WWC2: variants seen among roughly 807,000 people sequenced by gnomAD.
WWC2 encodes the protein WW and C2 domain containing 2.
Under a neutral mutation model 138.5 loss-of-function variants are expected in WWC2, and 101 were observed. The observed-to-expected ratio is 0.73, with a 90% CI of 0.62 to 0.86. The LOEUF is 0.86. WWC2 is among the 40% of genes least tolerant of loss of function. The pLI, the probability that WWC2 is intolerant of heterozygous loss-of-function variation, is 0.00. For missense variants in WWC2, 1,420 were observed against 1,419.4 expected (o/e 1.00, Z -0.01); for synonymous variants, 558 against 538.4 (o/e 1.04, Z -0.50).
At chr4:183,261,856 A>G (rs1737340354) in intron 11 of WWC2, among the ~76,000 whole-genome samples, 1 of 152,238 alleles carries the variant, frequency 6.6e-6, no homozygotes, top group South Asian at 2.1e-4. Flanking sequence ...ATAGCAAGGC[A>G]AAGAAGAGGA....
At chr4:183,282,961 C>A (rs1376875265) in intron 18 of WWC2, 55 bp downstream of exon 18, 2 of 1,462,546 alleles carry the variant, frequency 1.4e-6, no homozygotes, top group East Asian at 2.5e-5. Flanking sequence ...ACCATGTGGA[C>A]TAGGGAGATG....
intron 4 of WWC2, among the ~76,000 whole-genome samples, chr4:183,212,381 G>A (rs1489926887): frequency 6.6e-6 from 1 of 151,994 alleles, no homozygotes; most frequent in East Asian, 1.9e-4. Context: ...ATAATTCTCT[G>A]TTCTTGCAAT....
chr4:183,313,733 G>A lies in WWC2; in HGVS notation c.3512+1265G>A, dbSNP rs368285887. ...GTGGGCACCAATCACTGAAGGGCTC[G>A]CCCCAAAAGAGATGCTAGAAAGAAT... On this transcript the variant is annotated intron_variant, in intron 22 of 22. Coordinates refer to ENST00000403733, the MANE Select transcript of WWC2 (RefSeq NM_024949.6). Among the ~76,000 whole-genome samples the A allele has an allele frequency of 1.5e-4, 23 of 151,476 alleles. No homozygotes were observed. In the East Asian group the frequency reaches 3.7e-3, roughly 24 times the overall value.
At chr4:183,168,023 T>A (rs1734172297) in intron 1 of WWC2, among the ~76,000 whole-genome samples, 2 of 151,832 alleles carry the variant, frequency 1.3e-5, no homozygotes, top group Admixed American at 6.6e-5. Context: ...GCCAAGCCAA[T>A]TTTTTTGTAT....
intron 5 of WWC2, among the ~76,000 whole-genome samples, chr4:183,240,789 G>A (rs1328148734): frequency 6.6e-6 from 1 of 152,270 alleles, no homozygotes; most frequent in East Asian, 1.9e-4. Flanking sequence ...GCGGGAGTGC[G>A]CTCCTCACTT....
intron 4 of WWC2, among the ~76,000 whole-genome samples, chr4:183,209,837 A>C (rs1735547661): frequency 6.6e-6 from 1 of 152,214 alleles, no homozygotes; most frequent in South Asian, 2.1e-4. Context: ...TCTGTTCACC[A>C]AGTAAATAAA....
chr4:183,282,043 T>TC (rs1181097310), intron 17 of WWC2, among the ~76,000 whole-genome samples: 2 of 152,196 alleles, frequency 1.3e-5, no homozygotes, highest in African/African-American at 4.8e-5. Context: ...CATTTAGTTA[T>TC]CAATGGAAAG....
intron 1 of WWC2, among the ~76,000 whole-genome samples, chr4:183,154,134 T>C (rs1733730077): frequency 6.6e-6 from 1 of 152,140 alleles, no homozygotes; most frequent in African/African-American, 2.4e-5. Flanking sequence ...GCATAACTTA[T>C]TTGATCTTTT....
chr4:183,188,274 T>C (rs1016655311), intron 1 of WWC2, among the ~76,000 whole-genome samples: 1 of 152,200 alleles, frequency 6.6e-6, no homozygotes, highest in African/African-American at 2.4e-5. Flanking sequence ...AGTCTCGCTG[T>C]GTCGCCCAGG....
intron 22 of WWC2, among the ~76,000 whole-genome samples, chr4:183,313,889 G>C (rs1036880769): frequency 1.3e-5 from 2 of 150,508 alleles, no homozygotes; most frequent in Non-Finnish European, 3.0e-5. Flanking sequence ...CCGACGGAGG[G>C]AGCTCAGCAA....
rs774002337 is a variant in WWC2 at position 183,248,774 on chromosome 4, G to A, written c.793G>A (p.Asp265Asn). ...LDQNIGRSEP[D>N]LRCSPVNSHL... ...TCAGAACATTGGCAGATCTGAGCCA[G>A]ATTTGAGATGTAGTCCTGTGAACTC... The change falls in exon 7 of 23, where the codon GAT (aspartate) becomes AAT (asparagine). Residue 265 changes from aspartate to asparagine, a missense_variant. By Grantham distance (23) the Asp-to-Asn change is conservative. Coordinates refer to ENST00000403733, the MANE Select transcript of WWC2 (RefSeq NM_024949.6). 2 of 1,604,044 alleles carry A rather than the reference G, an allele frequency of 1.2e-6. No homozygotes were observed. Among genetic ancestry groups the A allele is most frequent in the African/African-American group, 2.7e-5 (2 of 74,860 alleles).
intron 1 of WWC2, among the ~76,000 whole-genome samples, chr4:183,127,024 A>G (rs1258743448): frequency 6.6e-6 from 1 of 151,834 alleles, no homozygotes; most frequent in Non-Finnish European, 1.5e-5. Flanking sequence ...GGCATAAGCC[A>G]CCATGCCTAG....
At chr4:183,271,017 T>A in intron 15 of WWC2, 63 bp from the exon 16 acceptor site, 1 of 1,365,870 alleles carries the variant, frequency 7.3e-7, no homozygotes, top group Admixed American at 3.1e-5. Context: ...GAACAAATAC[T>A]AATTTAAACA....
Position 183,180,712 on chromosome 4 carries a change from A to G in WWC2, c.132-12887A>G, listed in dbSNP as rs190330900. ...TTATATATCTTGAAAACATTTTGCC[A>G]AATGATAGAAGCTAGACACAAGAAA... On this transcript the variant is annotated intron_variant, in intron 1 of 22. Coordinates refer to ENST00000403733, the MANE Select transcript of WWC2 (RefSeq NM_024949.6). 3.8e-3 allele frequency among the ~76,000 whole-genome samples: 574 copies of G among 152,184 alleles called. 3 individuals are homozygous for G. Among genetic ancestry groups the G allele is most frequent in the Non-Finnish European group, 4.5e-3 (306 of 68,002 alleles).
chr4:183,210,147 T>G (rs1735555720), intron 4 of WWC2, among the ~76,000 whole-genome samples: 1 of 152,224 alleles, frequency 6.6e-6, no homozygotes, highest in Non-Finnish European at 1.5e-5. Flanking sequence ...AATTTCTGAT[T>G]ATTAAAAATT....
At chr4:183,184,189 C>T (rs1039400877) in intron 1 of WWC2, among the ~76,000 whole-genome samples, 3 of 152,116 alleles carry the variant, frequency 2.0e-5, no homozygotes, top group Non-Finnish European at 4.4e-5. Flanking sequence ...CTTTTTTATG[C>T]GTTTGTGAAC....
chr4:183,150,799 G>A (rs1354835759), intron 1 of WWC2, among the ~76,000 whole-genome samples: 2 of 151,888 alleles, frequency 1.3e-5, no homozygotes, highest in African/African-American at 2.4e-5. Flanking sequence ...CTGTCCTTGC[G>A]AAAACCAAAC....
chr4:183,113,414 A>T (rs984843511), intron 1 of WWC2, among the ~76,000 whole-genome samples: 1 of 151,814 alleles, frequency 6.6e-6, no homozygotes, highest in African/African-American at 2.4e-5. Flanking sequence ...CTTGTAGACC[A>T]TCAAGATTTT....
chr4:183,149,621 TAAA>T (rs776141200), intron 1 of WWC2, among the ~76,000 whole-genome samples: 10 of 134,598 alleles, frequency 7.4e-5, no homozygotes, highest in African/African-American at 2.5e-4. Flanking sequence ...AAACTCTGTC[TAAA>T]AAAAAAAAAA....
Sources: allele counts gnomAD v4.1 joint callset (sites outside exome capture counted in the v4.1 genomes callset), GRCh38; gene constraint gnomAD v4.1.1; transcripts MANE v1.5; gene names NCBI Gene and HGNC (gene_info 2026-07-23, HGNC 2026-07-21).